The following ENOX1 variants were observed in gnomAD, a reference collection of about 807,000 sequenced individuals.
ENOX1 encodes candidate growth-related and time keeping constitutive hydroquinone (NADH) oxidase.
ENOX1 carries 42 observed loss-of-function variants against 82.5 expected under a neutral mutation model. That is an observed-to-expected ratio of 0.51 (90% CI 0.40 to 0.66). The LOEUF is 0.66. ENOX1 is among the 30% of genes least tolerant of loss of function. ENOX1 has a pLI of 0.00. For synonymous variants in ENOX1, 271 were observed against 282.2 expected (o/e 0.96, Z 0.40); for missense variants, 608 against 811.6 (o/e 0.75, Z 3.05).
chr13:43,697,353 G>A (rs1196659145), intron 1 of ENOX1, among the ~76,000 whole-genome samples: 4 of 152,158 alleles, frequency 2.6e-5, no homozygotes, highest in Non-Finnish European at 5.9e-5. Flanking sequence ...CCTCAAAGAG[G>A]AAACTCAGTC....
At chr13:43,436,342 C>G (rs1420622437) in intron 3 of ENOX1, among the ~76,000 whole-genome samples, 1 of 152,102 alleles carries the variant, frequency 6.6e-6, no homozygotes, top group African/African-American at 2.4e-5. Flanking sequence ...AATACTAAAA[C>G]TAGGTTTTAC....
chr13:43,215,719 A>C (rs2041436757), intron 16 of ENOX1, among the ~76,000 whole-genome samples: 1 of 152,178 alleles, frequency 6.6e-6, no homozygotes, highest in East Asian at 1.9e-4. Context: ...GGGGTGAACA[A>C]CCAGGGGTGC....
intron 1 of ENOX1, among the ~76,000 whole-genome samples, chr13:43,669,357 C>T (rs2085144583): frequency 1.3e-5 from 2 of 152,138 alleles, no homozygotes; most frequent in African/African-American, 4.8e-5. Flanking sequence ...GTTCTTATCC[C>T]ATCTCCTTCC....
At chr13:43,271,581 T>C (rs1276228897) in intron 12 of ENOX1, among the ~76,000 whole-genome samples, 2 of 152,002 alleles carry the variant, frequency 1.3e-5, no homozygotes, top group Non-Finnish European at 2.9e-5. Context: ...CTCTCAGCTA[T>C]TACCAATACT....
At chr13:43,674,452 G>C (rs1191804937) in intron 1 of ENOX1, among the ~76,000 whole-genome samples, 2 of 152,128 alleles carry the variant, frequency 1.3e-5, no homozygotes, top group African/African-American at 4.8e-5. Flanking sequence ...AACCTTAAAA[G>C]CACATTGCTA....
At chr13:43,662,252 T>G (rs2084771724) in intron 2 of ENOX1, among the ~76,000 whole-genome samples, 1 of 152,236 alleles carries the variant, frequency 6.6e-6, no homozygotes. Flanking sequence ...TACGGTCTTT[T>G]GAGCTCAGTG....
chr13:43,646,493 G>A (rs938243716), intron 2 of ENOX1, among the ~76,000 whole-genome samples: 12 of 152,182 alleles, frequency 7.9e-5, no homozygotes, highest in East Asian at 7.7e-4. Context: ...ACTGCCTGAC[G>A]ACTCTGCAGC....
At chr13:43,741,436 C>T (rs1354570801) in intron 1 of ENOX1, among the ~76,000 whole-genome samples, 1 of 152,128 alleles carries the variant, frequency 6.6e-6, no homozygotes, top group Admixed American at 6.5e-5. Context: ...TCTCCATAGC[C>T]TCAACAACAC....
At chr13:43,457,915 A>G (rs957186254) in intron 3 of ENOX1, among the ~76,000 whole-genome samples, 1 of 152,162 alleles carries the variant, frequency 6.6e-6, no homozygotes, top group African/African-American at 2.4e-5. Flanking sequence ...GCTCAAGAAT[A>G]TATGTGTATA....
chr13:43,278,228 C>T (rs920874453), intron 12 of ENOX1, among the ~76,000 whole-genome samples: 2 of 152,110 alleles, frequency 1.3e-5, no homozygotes, highest in Non-Finnish European at 2.9e-5. Flanking sequence ...CTTTAACAAA[C>T]ATTTTATGTG....
At chr13:43,308,655 T>C (rs939515829) in intron 11 of ENOX1, among the ~76,000 whole-genome samples, 5 of 152,188 alleles carry the variant, frequency 3.3e-5, no homozygotes, top group Non-Finnish European at 7.3e-5. Context: ...TTTCAATCCT[T>C]TGTGCAGCGA....
chr13:43,774,550 T>C (rs749722205), intron 1 of ENOX1, among the ~76,000 whole-genome samples: 25 of 152,232 alleles, frequency 1.6e-4, no homozygotes, highest in Non-Finnish European at 2.9e-4. Context: ...TGTGTCTTAA[T>C]TACTTGCCTT....
chr13:43,223,397 C>A (rs1176254543), intron 16 of ENOX1, among the ~76,000 whole-genome samples: 4 of 152,272 alleles, frequency 2.6e-5, no homozygotes, highest in Admixed American at 2.6e-4. Context: ...ATGAATTTGA[C>A]ACATAAATCA....
intron 1 of ENOX1, among the ~76,000 whole-genome samples, chr13:43,723,526 A>G (rs1388416759): frequency 1.3e-5 from 2 of 152,214 alleles, no homozygotes; most frequent in Non-Finnish European, 2.9e-5. Context: ...CTATTCCTAA[A>G]AGCACTTCAA....
At chr13:43,299,100 C>T (rs1276266665) in intron 11 of ENOX1, among the ~76,000 whole-genome samples, 1 of 152,164 alleles carries the variant, frequency 6.6e-6, no homozygotes, top group Non-Finnish European at 1.5e-5. Context: ...AAGCTAGTTC[C>T]ATCTGTTTCA....
At chr13:43,632,862 T>C (rs760106319) in intron 2 of ENOX1, among the ~76,000 whole-genome samples, 1 of 152,222 alleles carries the variant, frequency 6.6e-6, no homozygotes, top group Non-Finnish European at 1.5e-5. Context: ...ACTAAATTAT[T>C]TCATACATTA....
chr13:43,632,920 T>TA (rs2083277727), intron 2 of ENOX1, among the ~76,000 whole-genome samples: 2 of 152,208 alleles, frequency 1.3e-5, no homozygotes, highest in Admixed American at 1.3e-4. Flanking sequence ...TGTTGCTTCT[T>TA]AGACTGTTCA....
Position 43,482,758 on chromosome 13 carries a change from T to C in ENOX1, c.-75+1251A>G, listed in dbSNP as rs185247712. 4.0e-4 allele frequency among the ~76,000 whole-genome samples: 61 copies of C among 152,300 alleles called. 2 individuals are homozygous for C. The East Asian group carries it at 9.3e-3, about 23-fold the overall frequency. On this transcript the variant is annotated intron_variant, in intron 3 of 16. Coordinates refer to ENST00000690772, the MANE Select transcript of ENOX1 (RefSeq NM_001347969.2). ...GACAGTTCACGCAGAATCTTGCTTG[T>C]AGACTAGGGAGGAGCATTTAGGTAA...
At chr13:43,748,472 C>T (rs926757111) in intron 1 of ENOX1, among the ~76,000 whole-genome samples, 3 of 152,122 alleles carry the variant, frequency 2.0e-5, no homozygotes, top group Admixed American at 1.3e-4. Flanking sequence ...CGTAATAGAG[C>T]AGCCTATGTA....
Sources: allele counts gnomAD v4.1 joint callset (sites outside exome capture counted in the v4.1 genomes callset), GRCh38; gene constraint gnomAD v4.1.1; transcripts MANE v1.5; gene names NCBI Gene and HGNC (gene_info 2026-07-23, HGNC 2026-07-21).